UBR2: variants seen among roughly 807,000 people sequenced by gnomAD.
UBR2 encodes the protein E3 ubiquitin-protein ligase UBR2.
Under a neutral mutation model 247.9 loss-of-function variants are expected in UBR2, and 92 were observed. The ratio of observed to expected loss-of-function variants is 0.37; its 90% CI spans 0.31 to 0.44. The LOEUF is 0.44. UBR2 is among the 20% of genes least tolerant of loss of function. The pLI, the probability that UBR2 is intolerant of heterozygous loss-of-function variation, is 1.00. For missense variants in UBR2, 1,613 were observed against 2,112.6 expected, an observed-to-expected ratio of 0.76 and a Z score of 4.64; for synonymous variants, 672 against 693.5, an observed-to-expected ratio of 0.97 and a Z score of 0.49.
intron 2 of UBR2, among the ~76,000 whole-genome samples, chr6:42,582,733 ATAACCTCAT>A (rs1372936249): frequency 6.6e-6 from 1 of 152,296 alleles, no homozygotes; most frequent in East Asian, 1.9e-4. Context: ...CCTTAAAATA[ATAACCTCAT>A]TTAAATTTAA....
At chr6:42,567,603 C>T (rs1301639683) in intron 1 of UBR2, among the ~76,000 whole-genome samples, 1 of 152,148 alleles carries the variant, frequency 6.6e-6, no homozygotes, top group Non-Finnish European at 1.5e-5. Flanking sequence ...GTGGTGCACC[C>T]CTGTAATCCC....
intron 1 of UBR2, among the ~76,000 whole-genome samples, chr6:42,566,096 T>TC (rs1205733383): frequency 6.6e-6 from 1 of 152,092 alleles, no homozygotes; most frequent in East Asian, 1.9e-4. Context: ...TGATTTTTTT[T>TC]CTCTCACTGA....
Position 42,691,745 on chromosome 6 carries a change from T to G in UBR2, c.*572T>G, listed in dbSNP as rs148112700. Reference sequence around the variant, plus strand: ...AGAAGCCCGTGGGGAGAAGGTGGATTCCTGGTGTGCTGGCTGGTTTTTCAG... The same window carrying G: ...AGAAGCCCGTGGGGAGAAGGTGGATGCCTGGTGTGCTGGCTGGTTTTTCAG... On this transcript the variant is annotated 3_prime_UTR_variant, in exon 47 of 47. Coordinates refer to ENST00000372901, the MANE Select transcript of UBR2 (RefSeq NM_001363705.2). The G allele has an allele frequency of 3.7e-3, 557 of 151,888 alleles. No homozygotes were observed. Among genetic ancestry groups the G allele is most frequent in the Non-Finnish European group, 6.2e-3 (420 of 67,980 alleles). 9.4% of individuals were successfully genotyped at this position (151,888 alleles called of 1,614,324 possible).
intron 7 of UBR2, among the ~76,000 whole-genome samples, chr6:42,606,903 C>T (rs1413011087): frequency 6.6e-6 from 1 of 151,942 alleles, no homozygotes; most frequent in Non-Finnish European, 1.5e-5. Flanking sequence ...GAATGTTTTT[C>T]GCTTTCTGTT....
chr6:42,581,148 G>C (rs1791870576), intron 2 of UBR2, among the ~76,000 whole-genome samples: 1 of 150,906 alleles, frequency 6.6e-6, no homozygotes, highest in African/African-American at 2.4e-5. Flanking sequence ...CAAATAGCTA[G>C]GATCACATGT....
intron 13 of UBR2, among the ~76,000 whole-genome samples, chr6:42,634,827 T>C (rs1444287350): frequency 1.3e-5 from 2 of 152,254 alleles, no homozygotes; most frequent in Non-Finnish European, 2.9e-5. Context: ...ATGTTTTTCA[T>C]GTATCTGTGA....
chr6:42,639,326 C>T (rs1335232029), intron 15 of UBR2, among the ~76,000 whole-genome samples: 1 of 152,218 alleles, frequency 6.6e-6, no homozygotes, highest in Non-Finnish European at 1.5e-5. Flanking sequence ...GGCGTGGTGG[C>T]TCATGCCTGT....
intron 4 of UBR2, among the ~76,000 whole-genome samples, chr6:42,600,694 A>AT (rs1793306929): frequency 6.7e-6 from 1 of 150,250 alleles, no homozygotes; most frequent in South Asian, 2.1e-4. Context: ...TTTAGAGTGT[A>AT]TTTTTTCTGT....
At chr6:42,621,531 C>T (rs532301679) in intron 11 of UBR2, among the ~76,000 whole-genome samples, 371 of 151,686 alleles carry the variant, frequency 2.4e-3, no homozygotes, top group African/African-American at 8.5e-3. Flanking sequence ...GGTGTGATCT[C>T]GGCTCACTGC....
chr6:42,673,571 C>T (rs1416009537), intron 36 of UBR2, among the ~76,000 whole-genome samples: 2 of 152,190 alleles, frequency 1.3e-5, no homozygotes, highest in Non-Finnish European at 2.9e-5. Flanking sequence ...AAACCAGCAA[C>T]ATGGTGGCAA....
chr6:42,573,632 T>C, intron 1 of UBR2, 102 bp from the exon 2 acceptor site: 2 of 1,282,480 alleles, frequency 1.6e-6, no homozygotes, highest in Non-Finnish European at 1.0e-6. Flanking sequence ...TATTTTAATA[T>C]GCTTTTGTCA....
chr6:42,633,629 G>A (rs1046198456), intron 13 of UBR2, among the ~76,000 whole-genome samples: 1 of 152,190 alleles, frequency 6.6e-6, no homozygotes, highest in East Asian at 1.9e-4. Context: ...GACCTCAAGT[G>A]ATCCACCCAC....
intron 2 of UBR2, among the ~76,000 whole-genome samples, chr6:42,581,397 G>A (rs1164451884): frequency 6.6e-6 from 1 of 152,008 alleles, no homozygotes; most frequent in Non-Finnish European, 1.5e-5. Flanking sequence ...CGCCATGTTG[G>A]CCAAGCTGGT....
At chr6:42,636,630 G>A (rs1796113248) in intron 14 of UBR2, among the ~76,000 whole-genome samples, 1 of 152,134 alleles carries the variant, frequency 6.6e-6, no homozygotes, top group Non-Finnish European at 1.5e-5. Flanking sequence ...ATGGAGAATG[G>A]ATGAAGGGGG....
At chr6:42,586,565 C>CTTTTTTTTTTTTTTTTTTT (rs1792290899) in intron 2 of UBR2, among the ~76,000 whole-genome samples, 1 of 59,570 alleles carries the variant, frequency 1.7e-5, no homozygotes, top group Non-Finnish European at 3.2e-5. Context: ...TTTTGTTCCT[C>CTTTTTTTTTTTTTTTTTTT]TGTTCCTAAT....
chr6:42,606,675 ATAT>A (rs1222061625), intron 7 of UBR2, 24 bp downstream of exon 7: 2 of 1,564,204 alleles, frequency 1.3e-6, no homozygotes, highest in East Asian at 4.5e-5. Flanking sequence ...AAACATGCTT[ATAT>A]TATTTTTTAT....
intron 13 of UBR2, 54 bp downstream of exon 13, chr6:42,632,958 C>CTTTTTTTTTTTTTTTTATTTTTT (rs1795845059): frequency 1.6e-6 from 1 of 610,588 alleles, no homozygotes; most frequent in African/African-American, 2.6e-5. Flanking sequence ...TCTCTTTTCT[C>CTTTTTTTTTTTTTTTTATTTTTT]TTTTTTTTTT....
chr6:42,575,149 A>C (rs1791425845), intron 2 of UBR2, among the ~76,000 whole-genome samples: 1 of 152,196 alleles, frequency 6.6e-6, no homozygotes, highest in Non-Finnish European at 1.5e-5. Context: ...GTATCAGCTT[A>C]TGTAGCTAGA....
At chr6:42,607,710 C>CTTT (rs1562303790) in intron 7 of UBR2, among the ~76,000 whole-genome samples, 5 of 52,888 alleles carry the variant, frequency 9.5e-5, no homozygotes, top group African/African-American at 4.2e-4. Flanking sequence ...CCACTCCCAG[C>CTTT]TGTTTTTTTT....
Sources: gnomAD v4.1 joint callset for allele counts (sites outside exome capture counted in the v4.1 genomes callset) on GRCh38, gnomAD v4.1.1 for gene constraint, MANE v1.5 for transcripts, NCBI Gene and HGNC (gene_info 2026-07-23, HGNC 2026-07-21) for gene names.